DOCK1: variants seen among roughly 807,000 people sequenced by gnomAD.
The protein encoded by DOCK1 is dedicator of cytokinesis protein 1.
A neutral mutation model predicts 262.7 loss-of-function variants in DOCK1; 138 were observed. That is an observed-to-expected ratio of 0.53 (90% CI 0.46 to 0.61). The LOEUF (loss-of-function observed/expected upper bound fraction) is 0.61. Ranked by LOEUF, DOCK1 falls within the 20% of genes least tolerant of loss-of-function variation. The probability of loss-of-function intolerance (pLI) is 0.00; values close to 1 mark genes in which losing one functional copy is unlikely to be tolerated. For missense variants in DOCK1, 1,908 were observed against 2,370.7 expected, an observed-to-expected ratio of 0.80 and a Z score of 4.05; for synonymous variants, 866 against 867.4, an observed-to-expected ratio of 1.00 and a Z score of 0.03.
At chr10:127,000,495 C>G (rs1392725033) in intron 10 of DOCK1, 188 bp downstream of exon 10, 2 of 798,972 alleles carry the variant, frequency 2.5e-6, no homozygotes, top group East Asian at 2.8e-5. Flanking sequence ...TCAGGATGCT[C>G]TAGTCCTCAA....
intron 2 of DOCK1, among the ~76,000 whole-genome samples, chr10:126,976,972 T>C (rs1266189503): frequency 6.6e-6 from 1 of 152,230 alleles, no homozygotes; most frequent in Non-Finnish European, 1.5e-5. Context: ...TGACCTCAAG[T>C]GATCCACCTG....
chr10:127,313,809 TCTAGAACTACAG>T (rs1288188553), intron 29 of DOCK1, among the ~76,000 whole-genome samples: 1 of 152,152 alleles, frequency 6.6e-6, no homozygotes, highest in African/African-American at 2.4e-5. Flanking sequence ...AGGGATTTCA[TCTAGAACTACAG>T]CCCCTCGAGG....
chr10:127,208,529 A>C lies in DOCK1; in HGVS notation c.2848-39479A>C, dbSNP rs186048053. 3.7e-3 allele frequency among the ~76,000 whole-genome samples: 566 copies of C among 152,354 alleles called. 3 individuals carry two copies. The highest frequency in any genetic ancestry group is 0.012 in the South Asian group (56 of 4,826). On this transcript the variant is annotated intron_variant, in intron 27 of 51. Coordinates refer to ENST00000623213, the MANE Select transcript of DOCK1 (RefSeq NM_001290223.2). ...TAATTGTTCTCTGTAACCATATGAA[A>C]AATGATTATATATTAGCTTAACATG...
rs1226477636 is a variant in DOCK1 at position 127,186,521 on chromosome 10, C to G, written c.2847+58757C>G. Among the ~76,000 whole-genome samples, 36 of 84,798 alleles carry G rather than the reference C, an allele frequency of 4.2e-4. 4 individuals carry two copies. Among genetic ancestry groups the G allele is most frequent in the African/African-American group, 1.2e-3 (31 of 25,318 alleles). 55.6% of individuals were successfully genotyped at this position (84,798 alleles called of 152,430 possible). On this transcript the variant is annotated intron_variant, in intron 27 of 51. Coordinates refer to ENST00000623213, the MANE Select transcript of DOCK1 (RefSeq NM_001290223.2). ...TGGGAGAAACCGCCCCCCCGCCCCC[C>G]CCCGATCCAGTTACCTCCACCCAGT...
At chr10:127,333,779 C>A (rs1234051367) in intron 29 of DOCK1, among the ~76,000 whole-genome samples, 1 of 152,214 alleles carries the variant, frequency 6.6e-6, no homozygotes, top group Non-Finnish European at 1.5e-5. Context: ...CTGCAGAATT[C>A]ACAGGGCTTG....
intron 27 of DOCK1, among the ~76,000 whole-genome samples, chr10:127,208,695 A>G (rs2057832828): frequency 6.6e-6 from 1 of 152,190 alleles, no homozygotes; most frequent in African/African-American, 2.4e-5. Flanking sequence ...ACAAAATGTG[A>G]CATAGTGAAC....
At chr10:126,963,631 T>TCC (rs1491138822) in intron 1 of DOCK1, among the ~76,000 whole-genome samples, 9 of 41,542 alleles carry the variant, frequency 2.2e-4, no homozygotes, top group African/African-American at 8.5e-4. Flanking sequence ...TTCCCTTCCC[T>TCC]TCCCTTCCCT....
intron 32 of DOCK1, among the ~76,000 whole-genome samples, chr10:127,360,275 T>C (rs938375860): frequency 2.0e-5 from 3 of 152,150 alleles, no homozygotes; most frequent in African/African-American, 7.2e-5. Context: ...GAGCTCACCC[T>C]GATCCTCAGG....
intron 38 of DOCK1, chr10:127,402,726 C>T (rs1411605522): frequency 1.8e-6 from 1 of 540,820 alleles, no homozygotes; most frequent in Non-Finnish European, 3.6e-6. Flanking sequence ...TCCAAGGCTG[C>T]TCCGACAGAC....
chr10:127,419,213 G>C (rs192689224), intron 45 of DOCK1, among the ~76,000 whole-genome samples: 1 of 152,324 alleles, frequency 6.6e-6, no homozygotes, highest in East Asian at 1.9e-4. Flanking sequence ...GATCTAGACA[G>C]AGCAAAAACT....
chr10:127,265,958 G>GTGA (rs1312068781), intron 29 of DOCK1, among the ~76,000 whole-genome samples: 2 of 152,230 alleles, frequency 1.3e-5, no homozygotes, highest in Admixed American at 1.3e-4. Flanking sequence ...TTTCGTTGCC[G>GTGA]TGAAGGAATT....
chr10:127,328,788 G>A (rs772173196), intron 29 of DOCK1, among the ~76,000 whole-genome samples: 13 of 152,014 alleles, frequency 8.6e-5, no homozygotes, highest in Admixed American at 2.0e-4. Context: ...TCTTATTCCC[G>A]GGTTGTTTTG....
chr10:127,091,440 T>A (rs1051223798), intron 23 of DOCK1, among the ~76,000 whole-genome samples: 9 of 152,236 alleles, frequency 5.9e-5, no homozygotes, highest in Non-Finnish European at 1.0e-4. Context: ...TTGGTCTGGA[T>A]CGCTTTCCCT....
chr10:126,967,535 T>C (rs1329092181), intron 1 of DOCK1, among the ~76,000 whole-genome samples: 2 of 107,262 alleles, frequency 1.9e-5, no homozygotes, highest in African/African-American at 9.4e-5. Context: ...CTGTGACGAA[T>C]TGCCACAAAC....
chr10:127,053,337 A>G (rs2135745136), intron 22 of DOCK1, among the ~76,000 whole-genome samples: 1 of 152,294 alleles, frequency 6.6e-6, no homozygotes, highest in South Asian at 2.1e-4. Flanking sequence ...GCGAGACTCC[A>G]TCTCAAAAAC....
chr10:127,341,666 G>T (rs12413282), intron 30 of DOCK1, among the ~76,000 whole-genome samples: 30,052 of 152,070 alleles, frequency 0.2, 3,253 homozygotes, highest in East Asian at 0.34. Context: ...GGGGGAGCCT[G>T]TTTCTCAACA....
At chr10:127,352,574 T>G (rs112974294) in intron 31 of DOCK1, among the ~76,000 whole-genome samples, 47 of 152,192 alleles carry the variant, frequency 3.1e-4, no homozygotes, top group African/African-American at 1.1e-3. Flanking sequence ...CAGACACTGA[T>G]GAAGTTCAGC....
chr10:127,002,754 G>A (rs1225372682), intron 10 of DOCK1, among the ~76,000 whole-genome samples: 1 of 152,100 alleles, frequency 6.6e-6, no homozygotes, highest in East Asian at 1.9e-4. Context: ...TGGCCTCCAG[G>A]GACTTCTGTC....
At chr10:127,052,570 T>C in intron 21 of DOCK1, 111 bp from the exon 22 acceptor site, 1 of 1,473,938 alleles carries the variant, frequency 6.8e-7, no homozygotes, top group Admixed American at 2.0e-5. Flanking sequence ...ATTCATATAC[T>C]GATAGATGGA....
Sources: gnomAD v4.1 joint callset for allele counts (sites outside exome capture counted in the v4.1 genomes callset) on GRCh38, gnomAD v4.1.1 for gene constraint, MANE v1.5 for transcripts, NCBI Gene and HGNC (gene_info 2026-07-23, HGNC 2026-07-21) for gene names.